Variants in ATF4 observed in about 807,000 individuals in gnomAD.
ATF4 encodes activating transcription factor 4, also known as cyclic AMP-dependent transcription factor ATF-4.
In ATF4, 8 loss-of-function variants were observed where a neutral mutation model predicts 21.0. That is an observed-to-expected ratio of 0.38 (90% CI 0.22 to 0.69). ATF4 has a LOEUF of 0.69. Among genes scored for constraint, ATF4 ranks in the 30% least tolerant of loss-of-function variants. ATF4 has a pLI of 0.49. For synonymous variants in ATF4, 241 were observed against 166.4 expected (o/e 1.45, Z -3.45); for missense variants, 549 against 425.9 (o/e 1.29, Z -2.54).
In ATF4 at chr22:39,520,974, C is replaced by T. The variant is rs569350490; in HGVS notation, c.-93+223C>T. Reference sequence around the variant, plus strand: ...ACTGCTTCCCCAGGAGCCCTACAGCCCTCGGACCCCGAGCCCCGCAAGGGT... The same window carrying T: ...ACTGCTTCCCCAGGAGCCCTACAGCTCTCGGACCCCGAGCCCCGCAAGGGT... On this transcript the variant is annotated intron_variant, in intron 1 of 2. Coordinates refer to ENST00000674920, the MANE Select transcript of ATF4 (RefSeq NM_182810.3). 345 of 153,654 alleles carry T rather than the reference C, an allele frequency of 2.2e-3. 3 individuals are homozygous for T. Among genetic ancestry groups the T allele is most frequent in the Middle Eastern group, 0.014 (4 of 294 alleles). 9.5% of individuals were successfully genotyped at this position (153,654 alleles called of 1,614,324 possible).
intron 1 of ATF4, 34 bp from the exon 2 acceptor site, chr22:39,521,320 C>G (rs144184225): frequency 0.011 from 8,464 of 776,340 alleles, 87 homozygotes; most frequent in Admixed American, 0.041. Flanking sequence ...AACAGCTAAC[C>G]TCTAATGGGA....
Position 39,522,449 on chromosome 22 carries a change from G to A in ATF4, c.903G>A (p.Ala301=), listed in dbSNP as rs373424533. The change falls in exon 3 of 3, where the codon GCG becomes GCA. Residue 301 remains alanine, a synonymous_variant. Transcript: ENST00000674920. ...AATRYRQKKR[A]EQEALTGECK... ...CTAGGTACCGCCAGAAGAAGAGGGC[G>A]GAGCAGGAGGCTCTTACTGGTGAGT... 3.7e-5 allele frequency: 59 copies of A among 1,613,630 alleles called. No homozygotes were observed. Among genetic ancestry groups the A allele is most frequent in the Admixed American group, 5.0e-5 (3 of 59,950 alleles).
In ATF4 at chr22:39,522,081, A is replaced by G; in HGVS notation, c.535A>G (p.Ser179Gly). The G allele has an allele frequency of 6.2e-7, 1 of 1,613,834 alleles. No homozygotes were observed. Among genetic ancestry groups the G allele is most frequent in the Non-Finnish European group, 8.5e-7 (1 of 1,179,842 alleles). ...VLSSTPDHSF[S>G]LELGSEVDIT... Reference sequence around the variant, plus strand: ...GTCCTCCACTCCAGATCATTCCTTTAGTTTAGAGCTGGGCAGTGAAGTGGA... The same window carrying G: ...GTCCTCCACTCCAGATCATTCCTTTGGTTTAGAGCTGGGCAGTGAAGTGGA... The change falls in exon 3 of 3, where the codon AGT (serine) becomes GGT (glycine). Residue 179 changes from serine (S) to glycine (G), a missense_variant. By Grantham distance (56) the Ser-to-Gly change is moderately conservative. Transcript: ENST00000674920.
rs1930989136 is a variant in ATF4 at position 39,522,104 on chromosome 22, GGATATCACTGAAGGA to G, written c.563_577del (p.Ile188_Asp192del). On this transcript the variant is annotated inframe_deletion, in exon 3 of 3. Transcript: ENST00000674920. ...TTAGTTTAGAGCTGGGCAGTGAAGT[GGATATCACTGAAGGA>G]GATAGGAAGCCAGACTACACTGCTT... The G allele has an allele frequency of 1.2e-6, 2 of 1,613,746 alleles. No homozygotes were observed.
At chr22:39,521,262 C>T (rs942463488) in intron 1 of ATF4, 92 bp from the exon 2 acceptor site, 32 of 505,198 alleles carry the variant, frequency 6.3e-5, no homozygotes, top group African/African-American at 2.7e-4. Context: ...CTCTAGATGG[C>T]CGATCTAGAG....
Position 39,521,867 on chromosome 22 carries a change from C to T in ATF4, c.321C>T (p.Thr107=). The T allele has an allele frequency of 6.2e-7, 1 of 1,614,188 alleles. No homozygotes were observed. The stretch of plus-strand genomic sequence containing the variant: ...TGTTGGGTATAGATGACCTGGAAAC[C>T]ATGCCAGATGACCTTCTGACCACGT... ...DALLGIDDLE[T]MPDDLLTTLD... Residue 107 remains threonine, a synonymous_variant, in exon 3 of 3, where the codon ACC becomes ACT. Coordinates refer to ENST00000674920, the MANE Select transcript of ATF4 (RefSeq NM_182810.3).
intron 1 of ATF4, 32 bp from the exon 2 acceptor site, chr22:39,521,322 C>G: frequency 1.3e-6 from 1 of 794,478 alleles, no homozygotes; most frequent in Non-Finnish European, 2.0e-6. Context: ...CAGCTAACCT[C>G]TAATGGGAGT....
In ATF4 at chr22:39,521,783, C is replaced by T; in HGVS notation, c.237C>T (p.Phe79=). 4 of 1,613,962 alleles carry T rather than the reference C, an allele frequency of 2.5e-6. No individual in the cohort carries two copies. The highest frequency in any genetic ancestry group is 3.4e-6 in the Non-Finnish European group (4 of 1,179,890). Residue 79 remains phenylalanine, a synonymous_variant, in exon 3 of 3, where the codon TTC becomes TTT. Coordinates refer to ENST00000674920, the MANE Select transcript of ATF4 (RefSeq NM_182810.3). ...TCAAATGTTTTGCAGAGGATGCCTT[C>T]TCCGGGACAGATTGGATGTTGGAGA... ...SPSNNSKEDA[F]SGTDWMLEKM...
Position 39,521,989 on chromosome 22 carries a change from T to A in ATF4, c.443T>A (p.Leu148Ter). 1.2e-6 allele frequency: 2 copies of A among 1,612,968 alleles called. No homozygotes were observed. Among genetic ancestry groups the A allele is most frequent in the Non-Finnish European group, 1.7e-6 (2 of 1,179,638 alleles). The change falls in exon 3 of 3, where the codon TTA becomes TAA. Residue 148 changes from leucine to a stop codon, truncating the protein, a stop_gained. Transcript: ENST00000674920. LOFTEE classifies it high-confidence loss of function. The stretch of plus-strand genomic sequence containing the variant: ...CCAATTGGCCATCTCCCAGAAAGTT[T>A]AACAAAACCCGACCAGGTTGCCCCC... ...VNPIGHLPES[L>*]TKPDQVAPFT... is the part of the protein sequence containing the mutation.
Position 39,522,327 on chromosome 22 carries a change from T to A in ATF4, c.781T>A (p.Tyr261Asn), listed in dbSNP as rs1289561764. 1.2e-6 allele frequency: 2 copies of A among 1,612,258 alleles called. No homozygotes were observed. Among genetic ancestry groups the A allele is most frequent in the Non-Finnish European group, 1.7e-6 (2 of 1,179,358 alleles). Residue 261 changes from tyrosine to asparagine, a missense_variant, in exon 3 of 3, where the codon TAC (tyrosine) becomes AAC (asparagine). Physicochemically the swap from Tyr to Asn is moderately radical, Grantham distance 143. Transcript: ENST00000674920. ...CTGTGGGTCTGCCCGTCCCAAACCTTACGATCCTCCTGGAGAGAAGATGGT... is the reference window on the plus strand; with the variant it reads ...CTGTGGGTCTGCCCGTCCCAAACCTAACGATCCTCCTGGAGAGAAGATGGT... ...VLCGSARPKP[Y>N]DPPGEKMVAA...
Position 39,522,662 on chromosome 22 carries a change from A to C in ATF4, c.*60A>C. ...ATAGAGTGCTGTAGCTGTGTGTTCC[A>C]ATAAATTATTTTGTAGGGAAAGTAC... On this transcript the variant is annotated 3_prime_UTR_variant, in exon 3 of 3. Coordinates refer to ENST00000674920, the MANE Select transcript of ATF4 (RefSeq NM_182810.3). 2 of 1,387,554 alleles carry C rather than the reference A, an allele frequency of 1.4e-6. No homozygotes were observed. The highest frequency in any genetic ancestry group is 3.2e-5 in the South Asian group (2 of 62,788). The allele number at this position is 1,387,554 out of a possible 1,614,324, so 86.0% of individuals were successfully genotyped here. A position where few individuals can be genotyped will look rare whatever the true frequency, so the allele number is the denominator to read the frequency against.
rs768694488 is a variant in ATF4 at position 39,521,586 on chromosome 22, T to C, written c.141T>C (p.His47=). 1 of 1,614,022 alleles carries C rather than the reference T, an allele frequency of 6.2e-7. No homozygotes were observed. The highest frequency in any genetic ancestry group is 1.1e-5 in the South Asian group (1 of 91,074). ...YLEVAKHFKP[H]GFSSDKAKAG... ...AGGTGGCCAAGCACTTCAAACCTCA[T>C]GGGTTCTCCAGCGACAAGGCTAAGG... The change falls in exon 2 of 3, where the codon CAT becomes CAC. Residue 47 remains histidine, a synonymous_variant. Coordinates refer to ENST00000674920, the MANE Select transcript of ATF4 (RefSeq NM_182810.3).
At position 39,522,423 on chromosome 22, in the gene ATF4, A is replaced by G; in HGVS notation, c.877A>G (p.Thr293Ala). 6.2e-7 allele frequency: 1 copy of G among 1,613,720 alleles called. No homozygotes were observed. The highest frequency in any genetic ancestry group is 8.5e-7 in the Non-Finnish European group (1 of 1,179,758). The change falls in exon 3 of 3, where the codon ACT (threonine) becomes GCT (alanine). Residue 293 changes from threonine (T) to alanine (A), a missense_variant. Thr to Ala is a moderately conservative substitution (Grantham distance 58, BLOSUM62 0). Coordinates refer to ENST00000674920, the MANE Select transcript of ATF4 (RefSeq NM_182810.3). ...KKMEQNKTAA[T>A]RYRQKKRAEQ... is the part of the protein sequence containing the mutation. ...AATGGAGCAAAACAAGACAGCAGCC[A>G]CTAGGTACCGCCAGAAGAAGAGGGC...
intron 1 of ATF4, chr22:39,521,141 G>T (rs776551776): frequency 3.0e-5 from 6 of 201,404 alleles, no homozygotes; most frequent in Non-Finnish European, 6.0e-5. Context: ...GGGACGGAGC[G>T]CTTTCCTCTT....
At position 39,521,964 on chromosome 22, in the gene ATF4, C is replaced by T. The variant is rs765201376; in HGVS notation, c.418C>T (p.Pro140Ser). 1 of 1,612,950 alleles carries T rather than the reference C, an allele frequency of 6.2e-7. No individual in the cohort carries two copies. The highest frequency in any genetic ancestry group is 1.7e-5 in the Admixed American group (1 of 59,908). ...TNKQPPQTVN[P>S]IGHLPESLTK... Reference sequence around the variant, plus strand: ...TAAGCAGCCCCCCCAGACGGTGAACCCAATTGGCCATCTCCCAGAAAGTTT... The same window carrying T: ...TAAGCAGCCCCCCCAGACGGTGAACTCAATTGGCCATCTCCCAGAAAGTTT... Residue 140 changes from proline (P) to serine (S), a missense_variant, in exon 3 of 3, where the codon CCA (proline) becomes TCA (serine). Physicochemically the swap from Pro to Ser is moderately conservative, Grantham distance 74. Coordinates refer to ENST00000674920, the MANE Select transcript of ATF4 (RefSeq NM_182810.3).
intron 1 of ATF4, 39 bp from the exon 2 acceptor site, chr22:39,521,315 C>G: frequency 1.4e-6 from 1 of 738,400 alleles, no homozygotes; most frequent in Non-Finnish European, 2.2e-6. Flanking sequence ...CTCAGAACAG[C>G]TAACCTCTAA....
chr22:39,522,128 G>A lies in ATF4; in HGVS notation c.582G>A (p.Lys194=). Reference sequence around the variant, plus strand: ...TGGATATCACTGAAGGAGATAGGAAGCCAGACTACACTGCTTACGTTGCCA... The same window carrying A: ...TGGATATCACTGAAGGAGATAGGAAACCAGACTACACTGCTTACGTTGCCA... The part of the protein sequence containing the change: ...SEVDITEGDR[K]PDYTAYVAMI... The change falls in exon 3 of 3, where the codon AAG becomes AAA. Residue 194 remains lysine, a synonymous_variant. Transcript: ENST00000674920. 6.2e-7 allele frequency: 1 copy of A among 1,613,938 alleles called. No individual in the cohort carries two copies. The highest frequency in any genetic ancestry group is 8.5e-7 in the Non-Finnish European group (1 of 1,179,846).
At position 39,522,640 on chromosome 22, in the gene ATF4, G is replaced by A; in HGVS notation, c.*38G>A. 6.8e-7 allele frequency: 1 copy of A among 1,472,070 alleles called. No individual in the cohort carries two copies. Among genetic ancestry groups the A allele is most frequent in the African/African-American group, 1.4e-5 (1 of 70,728 alleles). 91.2% of individuals were successfully genotyped at this position (1,472,070 alleles called of 1,614,324 possible). A position where few individuals can be genotyped will look rare whatever the true frequency, so the allele number is the denominator to read the frequency against. On this transcript the variant is annotated 3_prime_UTR_variant, in exon 3 of 3. Transcript: ENST00000674920. ...AGGAGCGTCAATGTGCTTGTACATA[G>A]AGTGCTGTAGCTGTGTGTTCCAATA...
Position 39,522,441 on chromosome 22 carries a change from A to G in ATF4, c.895A>G (p.Lys299Glu). 1.2e-6 allele frequency: 2 copies of G among 1,613,784 alleles called. No homozygotes were observed. Among genetic ancestry groups the G allele is most frequent in the Non-Finnish European group, 1.7e-6 (2 of 1,179,784 alleles). The change falls in exon 3 of 3, where the codon AAG becomes GAG. Residue 299 changes from lysine to glutamate, a missense_variant. Transcript: ENST00000674920. ...AGCAGCCACTAGGTACCGCCAGAAGAAGAGGGCGGAGCAGGAGGCTCTTAC... is the reference window on the plus strand; with the variant it reads ...AGCAGCCACTAGGTACCGCCAGAAGGAGAGGGCGGAGCAGGAGGCTCTTAC... Reference protein sequence around the residue: ...KTAATRYRQKKRAEQEALTGE... With the variant: ...KTAATRYRQKERAEQEALTGE...
Sources: allele counts gnomAD v4.1 joint callset, GRCh38; gene constraint gnomAD v4.1.1; transcripts MANE v1.5; gene names NCBI Gene and HGNC (gene_info 2026-07-23, HGNC 2026-07-21).